Variants in RTN1 observed in about 807,000 individuals in gnomAD.
RTN1 encodes reticulon 1.
A neutral mutation model predicts 65.5 loss-of-function variants in RTN1; 25 were observed. The ratio of observed to expected loss-of-function variants is 0.38; its 90% CI spans 0.28 to 0.53. The LOEUF is 0.53. Ranked by LOEUF, RTN1 falls within the 20% of genes least tolerant of loss-of-function variation. The pLI is 0.79. For missense variants in RTN1, 983 were observed against 1,025.4 expected (o/e 0.96, Z 0.57); for synonymous variants, 471 against 447.6 (o/e 1.05, Z -0.66).
intron 3 of RTN1, among the ~76,000 whole-genome samples, chr14:59,658,512 T>A (rs955727626): frequency 6.6e-6 from 1 of 152,196 alleles, no homozygotes; most frequent in Non-Finnish European, 1.5e-5. Flanking sequence ...TGGGTGCCCC[T>A]CTGGGACGAA....
intron 1 of RTN1, among the ~76,000 whole-genome samples, chr14:59,779,361 C>T (rs1021677654): frequency 2.6e-5 from 4 of 151,992 alleles, no homozygotes; most frequent in Non-Finnish European, 5.9e-5. Context: ...ATCCCTTAAA[C>T]TGCCTGGGAA....
At chr14:59,660,840 A>G (rs10140729) in intron 3 of RTN1, among the ~76,000 whole-genome samples, 64,155 of 151,772 alleles carry the variant, frequency 0.42, 14,468 homozygotes, top group African/African-American at 0.57. Flanking sequence ...AGAAGCAAGA[A>G]CAAACAAATT....
chr14:59,635,065 A>G (rs1041498811), intron 3 of RTN1, among the ~76,000 whole-genome samples: 3 of 152,228 alleles, frequency 2.0e-5, no homozygotes, highest in Non-Finnish European at 4.4e-5. Flanking sequence ...TATGACAGTC[A>G]ATCAGCCCTT....
At chr14:59,758,930 G>A (rs1296638212) in intron 1 of RTN1, among the ~76,000 whole-genome samples, 2 of 152,156 alleles carry the variant, frequency 1.3e-5, no homozygotes, top group Non-Finnish European at 2.9e-5. Context: ...TATGTACATA[G>A]GCTTAGTAAC....
chr14:59,870,337 CT>C lies in RTN1; in HGVS notation c.241+52del. ...GGAGAGCCGCGCAGAAGGGGACTGA[CT>C]GGGGGGCCCTGGTCCCCGACGCCAT... On this transcript the variant is annotated intron_variant, in intron 1 of 8. Coordinates refer to ENST00000267484, the MANE Select transcript of RTN1 (RefSeq NM_021136.3). The surrounding 1 kb of genome is among the most constrained non-coding windows in gnomAD (Gnocchi z 5.1). 7.0e-7 allele frequency: 1 copy of C among 1,421,876 alleles called. No homozygotes were observed. The highest frequency in any genetic ancestry group is 9.1e-7 in the Non-Finnish European group (1 of 1,093,766). 88.1% of individuals were successfully genotyped at this position (1,421,876 alleles called of 1,614,324 possible). A position where few individuals can be genotyped will look rare whatever the true frequency, so the allele number is the denominator to read the frequency against.
intron 3 of RTN1, among the ~76,000 whole-genome samples, chr14:59,635,519 A>T (rs562687754): frequency 2.0e-5 from 3 of 152,338 alleles, no homozygotes; most frequent in South Asian, 2.1e-4. Context: ...CAAAAACAGA[A>T]CATAAGGTGG....
chr14:59,663,646 A>AC (rs201132399), intron 3 of RTN1, among the ~76,000 whole-genome samples: 60,701 of 151,392 alleles, frequency 0.4, 12,677 homozygotes, highest in African/African-American at 0.5. Flanking sequence ...GAAAAAAAAA[A>AC]CCATCAAAAA....
At chr14:59,755,137 C>T (rs1885610849) in intron 1 of RTN1, among the ~76,000 whole-genome samples, 1 of 152,094 alleles carries the variant, frequency 6.6e-6, no homozygotes, top group African/African-American at 2.4e-5. Context: ...TAAAGCTCCT[C>T]TTACTGCACT....
In RTN1 at chr14:59,748,228, T is replaced by C. The variant is rs938383046; in HGVS notation, c.242-1747A>G. ...CTGTGAGGTTTTTTTTTTTTTTTTT[T>C]CCGGGAATATTTACTCAGCATTATT... On this transcript the variant is annotated intron_variant, in intron 1 of 8. Coordinates refer to ENST00000267484, the MANE Select transcript of RTN1 (RefSeq NM_021136.3). Among the ~76,000 whole-genome samples the C allele has an allele frequency of 6.0e-5, 9 of 150,596 alleles. No homozygotes were observed. In the South Asian group the frequency reaches 1.7e-3, roughly 28 times the overall value.
chr14:59,844,561 T>C (rs1566745369), intron 1 of RTN1, among the ~76,000 whole-genome samples: 1 of 152,152 alleles, frequency 6.6e-6, no homozygotes, highest in Non-Finnish European at 1.5e-5. Context: ...TTAAGTAGAA[T>C]GGTGGTTTGG....
rs543961472 is a variant in RTN1 at position 59,841,727 on chromosome 14, A to C, written c.241+28663T>G. Among the ~76,000 whole-genome samples, 765 of 149,220 alleles carry C rather than the reference A, an allele frequency of 5.1e-3. 10 individuals carry two copies. The highest frequency in any genetic ancestry group is 0.021 in the Middle Eastern group (6 of 290). ...ATTAAAAAAAAAAACAAAAAAAAAA[A>C]CAGCAGACTCTAGAAGACTGTTGAT... On this transcript the variant is annotated intron_variant, in intron 1 of 8. Transcript: ENST00000267484.
intron 3 of RTN1, among the ~76,000 whole-genome samples, chr14:59,685,908 C>T (rs1028333768): frequency 1.3e-5 from 2 of 152,198 alleles, no homozygotes; most frequent in Non-Finnish European, 1.5e-5. Context: ...CACTACCTGA[C>T]TTCAAAATGT....
chr14:59,648,327 C>A (rs899052789), intron 3 of RTN1, among the ~76,000 whole-genome samples: 3 of 152,154 alleles, frequency 2.0e-5, no homozygotes, highest in African/African-American at 7.2e-5. Flanking sequence ...AAGTCCAGGA[C>A]CAGATGGATT....
Position 59,868,910 on chromosome 14 carries a change from AAG to A in RTN1, c.241+1478_241+1479del, listed in dbSNP as rs1277396096. 6.6e-6 allele frequency among the ~76,000 whole-genome samples: 1 copy of A among 152,128 alleles called. No homozygotes were observed. The highest frequency in any genetic ancestry group is 1.5e-5 in the Non-Finnish European group (1 of 68,032). ...TTTGCCATCTTCTTTTGCAATTATA[AAG>A]AGTTTTGTTTTCACTTGGATGCAGA... is the stretch of plus-strand genomic sequence containing the variant. On this transcript the variant is annotated intron_variant, in intron 1 of 8. Transcript: ENST00000267484. This position sits in a 1 kb window ranked among gnomAD's most constrained non-coding sequence, Gnocchi z 4.0.
chr14:59,783,123 T>G (rs1485319368), intron 1 of RTN1, among the ~76,000 whole-genome samples: 1 of 152,174 alleles, frequency 6.6e-6, no homozygotes, highest in African/African-American at 2.4e-5. Flanking sequence ...CCAAGAACAC[T>G]CAGTTAGTGG....
At chr14:59,737,633 G>A (rs1267771700) in intron 2 of RTN1, among the ~76,000 whole-genome samples, 1 of 152,086 alleles carries the variant, frequency 6.6e-6, no homozygotes, top group Non-Finnish European at 1.5e-5. Flanking sequence ...AACTACCATT[G>A]ACATTCCTCA....
intron 3 of RTN1, among the ~76,000 whole-genome samples, chr14:59,626,479 C>T (rs1031963888): frequency 6.6e-6 from 1 of 152,120 alleles, no homozygotes; most frequent in Non-Finnish European, 1.5e-5. Context: ...AAGCATCCTG[C>T]CAGGTGAATT....
rs1040480286 is a variant in RTN1, at chr14:59,868,219, G to A, written c.241+2171C>T. On this transcript the variant is annotated intron_variant, in intron 1 of 8. Transcript: ENST00000267484. This position sits in a 1 kb window ranked among gnomAD's most constrained non-coding sequence, Gnocchi z 4.0. ...GCAGCACATCCGGTCTACTTAATAA[G>A]AAACACAGAGATTTAAGACATTAAC... Among the ~76,000 whole-genome samples, 12 of 152,114 alleles carry A rather than the reference G, an allele frequency of 7.9e-5. No individual in the cohort carries two copies. Among genetic ancestry groups the A allele is most frequent in the Middle Eastern group, 3.2e-3 (1 of 316 alleles).
intron 3 of RTN1, among the ~76,000 whole-genome samples, chr14:59,716,061 C>G (rs1884528102): frequency 6.6e-6 from 1 of 152,150 alleles, no homozygotes; most frequent in Admixed American, 6.6e-5. Flanking sequence ...GAATTTCCGG[C>G]TTACAGACCA....
Sources: gnomAD v4.1 joint callset for allele counts (sites outside exome capture counted in the v4.1 genomes callset) on GRCh38, gnomAD v4.1.1 for gene constraint, Gnocchi (gnomAD v3.1) non-coding constraint, MANE v1.5 for transcripts, NCBI Gene and HGNC (gene_info 2026-07-23, HGNC 2026-07-21) for gene names.